ILK: variants seen among roughly 807,000 people sequenced by gnomAD.
ILK encodes scaffold protein ILK.
ILK carries 37 observed loss-of-function variants against 57.8 expected under a neutral mutation model. The observed-to-expected ratio is 0.64, with a 90% CI of 0.49 to 0.84. ILK has a LOEUF of 0.84. Among genes scored for constraint, ILK ranks in the 40% least tolerant of loss-of-function variants. The pLI is 0.00. For synonymous variants in ILK, 231 were observed against 202.2 expected, an observed-to-expected ratio of 1.14 and a Z score of -1.21; for missense variants, 528 against 595.7, an observed-to-expected ratio of 0.89 and a Z score of 1.18.
chr11:6,609,417 A>G lies in ILK; in HGVS notation c.728+9A>G. Reference sequence around the variant, plus strand: ...GAGTGTCCCCGGCTCAGGTAGTGCAAGGCGTAACCTGGAAGCTGCTAGTTC... The same window carrying G: ...GAGTGTCCCCGGCTCAGGTAGTGCAGGGCGTAACCTGGAAGCTGCTAGTTC... On this transcript the variant is annotated intron_variant, in intron 8 of 12. Coordinates refer to ENST00000299421, the MANE Select transcript of ILK (RefSeq NM_004517.4). 6 of 1,613,640 alleles carry G rather than the reference A, an allele frequency of 3.7e-6. No homozygotes were observed. The highest frequency in any genetic ancestry group is 5.1e-6 in the Non-Finnish European group (6 of 1,179,628).
At position 6,609,536 on chromosome 11, in the gene ILK, C is replaced by A; in HGVS notation, c.753C>A (p.Leu251=). 1 of 1,614,132 alleles carries A rather than the reference C, an allele frequency of 6.2e-7. No homozygotes were observed. The highest frequency in any genetic ancestry group is 2.2e-5 in the East Asian group (1 of 44,878). The change falls in exon 9 of 13, where the codon CTC becomes CTA. Residue 251 remains leucine, a synonymous_variant. Transcript: ENST00000299421. The stretch of plus-strand genomic sequence containing the variant: ...GGATTTTCTCGCATCCAAATGTGCT[C>A]CCAGTGCTAGGTGCCTGCCAGTCTC... ...RLRIFSHPNV[L]PVLGACQSPP...
intron 2 of ILK, among the ~76,000 whole-genome samples, chr11:6,605,501 A>G (rs1854795318): frequency 6.9e-6 from 1 of 145,814 alleles, no homozygotes; most frequent in African/African-American, 2.7e-5. Flanking sequence ...TAGCCATTGA[A>G]TTTACAGTTG....
In ILK at chr11:6,605,056, G is replaced by A. The variant is rs144175560; in HGVS notation, c.89+696G>A. 2.8e-3 allele frequency: 974 copies of A among 349,206 alleles called. 8 individuals carry two copies. The highest frequency in any genetic ancestry group is 0.019 in the African/African-American group (904 of 46,682). The allele number at this position is 349,206 out of a possible 1,614,324, so 21.6% of individuals were successfully genotyped here. A position where few individuals can be genotyped will look rare whatever the true frequency, so the allele number is the denominator to read the frequency against. On this transcript the variant is annotated intron_variant, in intron 2 of 12. Coordinates refer to ENST00000299421, the MANE Select transcript of ILK (RefSeq NM_004517.4). ...GATGAGGACCAGGGTTCTGGCTTGG[G>A]AACTTGGTTGTTTTTACTGAGATGG...
rs1027645432 is a variant in ILK at position 6,607,962 on chromosome 11, A to C, written c.90-84A>C. 2.9e-6 allele frequency: 4 copies of C among 1,386,782 alleles called. No homozygotes were observed. In the African/African-American group the frequency reaches 5.7e-5, roughly 20 times the overall value. 85.9% of individuals were successfully genotyped at this position (1,386,782 alleles called of 1,614,324 possible). A position where few individuals can be genotyped will look rare whatever the true frequency, so the allele number is the denominator to read the frequency against. On this transcript the variant is annotated intron_variant, in intron 2 of 12. Coordinates refer to ENST00000299421, the MANE Select transcript of ILK (RefSeq NM_004517.4). Reference sequence around the variant, plus strand: ...CCTAGAGAGGTAAGCCTTCCCAGAGAGTATGTAATTATCAGTTTTTCAGGA... The same window carrying C: ...CCTAGAGAGGTAAGCCTTCCCAGAGCGTATGTAATTATCAGTTTTTCAGGA...
chr11:6,603,802 G>A lies in ILK; in HGVS notation c.-113G>A. The A allele has an allele frequency of 2.8e-6, 1 of 359,028 alleles. No individual in the cohort carries two copies. Among genetic ancestry groups the A allele is most frequent in the Non-Finnish European group, 5.0e-6 (1 of 200,084 alleles). The allele number at this position is 359,028 out of a possible 1,614,324, so 22.2% of individuals were successfully genotyped here. On this transcript the variant is annotated 5_prime_UTR_variant, in exon 1 of 13. Coordinates refer to ENST00000299421, the MANE Select transcript of ILK (RefSeq NM_004517.4). Reference sequence around the variant, plus strand: ...GCCGGACGGGAGTTCCCCGGAGAAGGATCCTGCAGCCCGAGTCCCGGTGAG... The same window carrying A: ...GCCGGACGGGAGTTCCCCGGAGAAGAATCCTGCAGCCCGAGTCCCGGTGAG...
At position 6,609,578 on chromosome 11, in the gene ILK, T is replaced by C. The variant is rs972633658; in HGVS notation, c.795T>C (p.Pro265=). Residue 265 remains proline (P), a synonymous_variant, in exon 9 of 13, where the codon CCT becomes CCC. Coordinates refer to ENST00000299421, the MANE Select transcript of ILK (RefSeq NM_004517.4). ...GCCAGTCTCCACCTGCTCCTCATCC[T>C]ACTCTCATCACACACTGGATGCCGT... ...GACQSPPAPH[P]TLITHWMPYG... is the part of the protein sequence containing the mutation. 1 of 1,614,058 alleles carries C rather than the reference T, an allele frequency of 6.2e-7. No individual in the cohort carries two copies. Among genetic ancestry groups the C allele is most frequent in the African/African-American group, 1.3e-5 (1 of 74,936 alleles).
chr11:6,610,778 G>C lies in ILK; in HGVS notation c.*167G>C. The C allele has an allele frequency of 7.5e-7, 1 of 1,327,818 alleles. No individual in the cohort carries two copies. Among genetic ancestry groups the C allele is most frequent in the South Asian group, 1.2e-5 (1 of 81,206 alleles). 82.3% of individuals were successfully genotyped at this position (1,327,818 alleles called of 1,614,324 possible). A position where few individuals can be genotyped will look rare whatever the true frequency, so the allele number is the denominator to read the frequency against. On this transcript the variant is annotated 3_prime_UTR_variant, in exon 13 of 13. Transcript: ENST00000299421. ...CATCCCTACCACTGTGGCCCCAAGA[G>C]GGGCGGGCTCAGAGCTTTGTCACTT...
Position 6,609,839 on chromosome 11 carries a change from T to C in ILK, c.972T>C (p.Ser324=), listed in dbSNP as rs1400837823. ...LIPRHALNSR[S]VMIDEDMTAR... ...CACGACATGCACTCAATAGCCGTAGTGTAATGGTGAGGCCACAAGCTCACT... is the reference window on the plus strand; with the variant it reads ...CACGACATGCACTCAATAGCCGTAGCGTAATGGTGAGGCCACAAGCTCACT... The change falls in exon 10 of 13, where the codon AGT becomes AGC. Residue 324 remains serine, a synonymous_variant. Coordinates refer to ENST00000299421, the MANE Select transcript of ILK (RefSeq NM_004517.4). The C allele has an allele frequency of 1.9e-6, 3 of 1,614,194 alleles. No homozygotes were observed. Among genetic ancestry groups the C allele is most frequent in the Non-Finnish European group, 2.5e-6 (3 of 1,180,032 alleles).
Position 6,609,073 on chromosome 11 carries a change from A to G in ILK, c.535A>G (p.Asn179Asp). 1 of 1,614,094 alleles carries G rather than the reference A, an allele frequency of 6.2e-7. No homozygotes were observed. The highest frequency in any genetic ancestry group is 1.3e-5 in the African/African-American group (1 of 75,016). Reference protein sequence around the residue: ...WKGTTRTRPRNGTLNKHSGID... With the variant: ...WKGTTRTRPRDGTLNKHSGID... ...ACCTGACCTGCCCACACTCTTAGGAAATGGAACCCTGAACAAACACTCTGG... is the reference window on the plus strand; with the variant it reads ...ACCTGACCTGCCCACACTCTTAGGAGATGGAACCCTGAACAAACACTCTGG... The change falls in exon 7 of 13, where the codon AAT becomes GAT. Residue 179 changes from asparagine (N) to aspartate (D), a missense_variant and splice_region_variant. Asn to Asp is a conservative substitution (Grantham distance 23). Transcript: ENST00000299421.
chr11:6,608,066 C>T lies in ILK; in HGVS notation c.110C>T (p.Pro37Leu), dbSNP rs2134551114. 6.2e-7 allele frequency: 1 copy of T among 1,614,138 alleles called. No homozygotes were observed. Among genetic ancestry groups the T allele is most frequent in the Non-Finnish European group, 8.5e-7 (1 of 1,180,020 alleles). The change falls in exon 3 of 13, where the codon CCC (proline) becomes CTC (leucine). Residue 37 changes from proline to leucine, a missense_variant. Pro to Leu is a moderately conservative substitution (Grantham distance 98, BLOSUM62 -3). Transcript: ENST00000299421. This position sits in a 1 kb window ranked among gnomAD's most constrained non-coding sequence, Gnocchi z 4.9. ...CAAAGGGACGATCATGGCTTCTCCC[C>T]CTTGCACTGGGCCTGCCGAGAGGGC... ...LNQGDDHGFS[P>L]LHWACREGRS...
At chr11:6,607,883 G>T in intron 2 of ILK, 163 bp from the exon 3 acceptor site, 2 of 679,420 alleles carry the variant, frequency 2.9e-6, no homozygotes, top group Non-Finnish European at 2.5e-6. Flanking sequence ...AAGCTCAGGG[G>T]AAGGTCTGAA....
In ILK at chr11:6,608,736, T is replaced by G. The variant is rs768791411; in HGVS notation, c.394T>G (p.Tyr132Asp). ...NGALVSICNK[Y>D]GEMPVDKAKA... Reference sequence around the variant, plus strand: ...GGCCCTTGTCAGCATCTGTAACAAGTATGGAGAGATGCCTGTGGACAAAGC... The same window carrying G: ...GGCCCTTGTCAGCATCTGTAACAAGGATGGAGAGATGCCTGTGGACAAAGC... The change falls in exon 5 of 13, where the codon TAT becomes GAT. Residue 132 changes from tyrosine to aspartate, a missense_variant. Physicochemically the swap from Tyr to Asp is radical, Grantham distance 160. Coordinates refer to ENST00000299421, the MANE Select transcript of ILK (RefSeq NM_004517.4). This position sits in a 1 kb window ranked among gnomAD's most constrained non-coding sequence, Gnocchi z 4.9. The G allele has an allele frequency of 1.2e-6, 2 of 1,613,986 alleles. No individual in the cohort carries two copies. The highest frequency in any genetic ancestry group is 1.7e-6 in the Non-Finnish European group (2 of 1,180,010).
intron 6 of ILK, 33 bp from the exon 7 acceptor site, chr11:6,609,038 G>A: frequency 6.2e-7 from 1 of 1,612,066 alleles, no homozygotes. Flanking sequence ...GGGTTAGGGT[G>A]AAGCTGGGTA....
chr11:6,608,569 C>A lies in ILK; in HGVS notation c.351+80C>A. 1 of 1,380,872 alleles carries A rather than the reference C, an allele frequency of 7.2e-7. No individual in the cohort carries two copies. 85.5% of individuals were successfully genotyped at this position (1,380,872 alleles called of 1,614,324 possible). A position where few individuals can be genotyped will look rare whatever the true frequency, so the allele number is the denominator to read the frequency against. ...GGTGGGAGATTTTGGAACCCTCAAC[C>A]CATTCTGTCAGTACTACTGTGTGAC... On this transcript the variant is annotated intron_variant, in intron 4 of 12. Transcript: ENST00000299421. This position sits in a 1 kb window ranked among gnomAD's most constrained non-coding sequence, Gnocchi z 4.9.
intron 11 of ILK, 49 bp downstream of exon 11, chr11:6,610,084 T>C: frequency 1.2e-6 from 2 of 1,613,248 alleles, no homozygotes; most frequent in Non-Finnish European, 1.7e-6. Flanking sequence ...ACCTCAGAAG[T>C]AGTGGAAGGG....
chr11:6,605,146 G>T (rs1854731404), intron 2 of ILK, among the ~76,000 whole-genome samples: 1 of 152,182 alleles, frequency 6.6e-6, no homozygotes, highest in Non-Finnish European at 1.5e-5. Flanking sequence ...ATACAGCAAG[G>T]TGGAAATGTT....
intron 10 of ILK, 26 bp from the exon 11 acceptor site, chr11:6,609,910 C>T: frequency 6.2e-7 from 1 of 1,614,184 alleles, no homozygotes; most frequent in Non-Finnish European, 8.5e-7. Context: ...TGACTTACCT[C>T]CTTCTATCTG....
Position 6,604,236 on chromosome 11 carries a change from T to A in ILK, c.-36T>A. The A allele has an allele frequency of 6.3e-7, 1 of 1,580,914 alleles. No homozygotes were observed. The highest frequency in any genetic ancestry group is 8.6e-7 in the Non-Finnish European group (1 of 1,157,668). ...TGGATCACTCCACAGTCCTCAGGCTTCCCCAATCCAGGGGACTCGGCGCCG... is the reference window on the plus strand; with the variant it reads ...TGGATCACTCCACAGTCCTCAGGCTACCCCAATCCAGGGGACTCGGCGCCG... On this transcript the variant is annotated 5_prime_UTR_variant, in exon 2 of 13. Coordinates refer to ENST00000299421, the MANE Select transcript of ILK (RefSeq NM_004517.4).
intron 2 of ILK, chr11:6,607,820 AAC>A (rs1317786807): frequency 7.0e-6 from 4 of 573,410 alleles, no homozygotes; most frequent in Non-Finnish European, 1.2e-5. Flanking sequence ...TGGTGAAGAT[AAC>A]ACATTTTTTT....
Sources: allele counts gnomAD v4.1 joint callset (sites outside exome capture counted in the v4.1 genomes callset), GRCh38; gene constraint gnomAD v4.1.1; non-coding constraint Gnocchi (gnomAD v3.1); transcripts MANE v1.5; gene names NCBI Gene and HGNC (gene_info 2026-07-23, HGNC 2026-07-21).